SYMPK: variants seen among roughly 807,000 people sequenced by gnomAD.
SYMPK encodes symplekin scaffold protein.
Under a neutral mutation model 136.4 loss-of-function variants are expected in SYMPK, and 49 were observed. That is an observed-to-expected ratio of 0.36 (90% CI 0.29 to 0.46). SYMPK has a LOEUF of 0.46. Ranked by LOEUF, SYMPK falls within the 20% of genes least tolerant of loss-of-function variation. The pLI is 1.00. For missense variants in SYMPK, 1,365 were observed against 1,690.0 expected (o/e 0.81, Z 3.37); for synonymous variants, 766 against 713.0 (o/e 1.07, Z -1.19).
chr19:45,827,613 T>C lies in SYMPK; in HGVS notation c.2078A>G (p.Tyr693Cys), dbSNP rs1368792864. 10 of 1,613,944 alleles carry C rather than the reference T, an allele frequency of 6.2e-6. No homozygotes were observed. The highest frequency in any genetic ancestry group is 8.5e-6 in the Non-Finnish European group (10 of 1,179,950). Residue 693 changes from tyrosine to cysteine, a missense_variant, in exon 16 of 27, where the codon TAT becomes TGT. Physicochemically the swap from Tyr to Cys is radical, Grantham distance 194. This residue lies in a region of SYMPK where 303 missense variants were observed against 326.6 expected (regional missense o/e 0.93). Coordinates refer to ENST00000245934, the MANE Select transcript of SYMPK (RefSeq NM_004819.3). ...RKYCEDESRT[Y>C]LGMSTLRDLI... ...GTCTCGAAGTGTGGACATGCCCAGA[T>C]AGGTGCGACTCTGCAGCAAAAGGAA...
At chr19:45,839,915 A>C (rs1310994800) in intron 9 of SYMPK, among the ~76,000 whole-genome samples, 2 of 152,208 alleles carry the variant, frequency 1.3e-5, no homozygotes, top group Non-Finnish European at 2.9e-5. Context: ...ACATAGTTTC[A>C]AATATCTCCC....
At chr19:45,851,756 C>A (rs1291668396) in intron 5 of SYMPK, among the ~76,000 whole-genome samples, 1 of 152,120 alleles carries the variant, frequency 6.6e-6, no homozygotes, top group African/African-American at 2.4e-5. Flanking sequence ...TGCCTGTAAT[C>A]CCAGCTACTT....
At position 45,822,662 on chromosome 19, in the gene SYMPK, C is replaced by T. The variant is rs1970935201; in HGVS notation, c.2791+94G>A. 5.0e-6 allele frequency: 5 copies of T among 1,004,856 alleles called. No individual in the cohort carries two copies. The Admixed American group carries it at 5.6e-5, about 11-fold the overall frequency. 62.2% of individuals were successfully genotyped at this position (1,004,856 alleles called of 1,614,324 possible). Reference sequence around the variant, plus strand: ...TGGTGTCCCAGGGAGCAGGATGTGCCCTCTCTCCCTGAGGGGGGTGCCTGC... The same window carrying T: ...TGGTGTCCCAGGGAGCAGGATGTGCTCTCTCTCCCTGAGGGGGGTGCCTGC... On this transcript the variant is annotated intron_variant, in intron 21 of 26. Transcript: ENST00000245934.
intron 9 of SYMPK, among the ~76,000 whole-genome samples, chr19:45,840,700 C>T (rs532657083): frequency 1.8e-4 from 27 of 151,462 alleles, no homozygotes; most frequent in South Asian, 4.2e-4. Flanking sequence ...AAAATTAGCC[C>T]GGTGTGGTGG....
At chr19:45,825,008 G>GT (rs1396448744) in intron 18 of SYMPK, among the ~76,000 whole-genome samples, 163 bp downstream of exon 18, 1 of 152,218 alleles carries the variant, frequency 6.6e-6, no homozygotes, top group Non-Finnish European at 1.5e-5. Context: ...TTCCTCAGGA[G>GT]TGACATGCGG....
chr19:45,836,819 C>T (rs2146322802), intron 10 of SYMPK, among the ~76,000 whole-genome samples: 1 of 151,890 alleles, frequency 6.6e-6, no homozygotes, highest in East Asian at 1.9e-4. Context: ...TTTTATTTTT[C>T]TTTTTGTAGA....
At chr19:45,848,604 G>T in intron 6 of SYMPK, 146 bp downstream of exon 6, 1 of 1,109,082 alleles carries the variant, frequency 9.0e-7, no homozygotes, top group Non-Finnish European at 1.3e-6. Context: ...GACAACGTTA[G>T]CTCTCCATGT....
Position 45,853,938 on chromosome 19 carries a change from C to T in SYMPK, c.171+237G>A. 2.6e-5 allele frequency among the ~76,000 whole-genome samples: 4 copies of T among 152,332 alleles called. No individual in the cohort carries two copies. The East Asian group carries it at 7.7e-4, about 29-fold the overall frequency. On this transcript the variant is annotated intron_variant, in intron 3 of 26. Transcript: ENST00000245934. ...TCAGCCAGCTCCCAGCAGAGTGACC[C>T]TGGGCTAATAATTTAAGCCCCGGGG...
chr19:45,862,964 C>T (rs896809055), intron 1 of SYMPK, 94 bp downstream of exon 1: 36 of 400,272 alleles, frequency 9.0e-5, no homozygotes, highest in African/African-American at 6.4e-4. Context: ...CACTGTTCCC[C>T]TCTCCCCACG....
intron 12 of SYMPK, 77 bp downstream of exon 12, chr19:45,831,297 ACACGCACACG>A (rs1568614414): frequency 2.6e-5 from 28 of 1,097,526 alleles, no homozygotes; most frequent in East Asian, 1.6e-4. Context: ...ACACACACGC[ACACGCACACG>A]CACACGCACA....
intron 24 of SYMPK, 86 bp from the exon 25 acceptor site, chr19:45,816,663 C>A: frequency 6.4e-7 from 1 of 1,568,692 alleles, no homozygotes; most frequent in South Asian, 1.2e-5. Flanking sequence ...GGCCCTAACC[C>A]TCCAGAACTC....
intron 16 of SYMPK, among the ~76,000 whole-genome samples, chr19:45,826,836 T>C (rs1971053405): frequency 6.6e-6 from 1 of 152,230 alleles, no homozygotes; most frequent in Non-Finnish European, 1.5e-5. Flanking sequence ...GATGAAGGTC[T>C]GCTGAATGAA....
chr19:45,822,074 A>G (rs935028395), intron 21 of SYMPK, among the ~76,000 whole-genome samples: 32 of 151,524 alleles, frequency 2.1e-4, no homozygotes, highest in African/African-American at 7.3e-4. Context: ...GGTAAGGGTG[A>G]ACAATCCCTT....
At chr19:45,850,643 G>A (rs889436844) in intron 5 of SYMPK, among the ~76,000 whole-genome samples, 5 of 152,258 alleles carry the variant, frequency 3.3e-5, no homozygotes, top group South Asian at 2.1e-4. Flanking sequence ...GGCACAGTAC[G>A]TGTTCCATGT....
At chr19:45,837,616 CAAAAAA>C (rs58960244) in intron 10 of SYMPK, among the ~76,000 whole-genome samples, 1 of 77,558 alleles carries the variant, frequency 1.3e-5, no homozygotes, top group Non-Finnish European at 2.4e-5. Context: ...GACTCTGCCT[CAAAAAA>C]AAAAAAAAAA....
chr19:45,827,939 G>A (rs369920679), intron 14 of SYMPK, 21 bp from the exon 15 acceptor site: 2 of 1,612,300 alleles, frequency 1.2e-6, no homozygotes, highest in Non-Finnish European at 1.7e-6. Flanking sequence ...TGGAGGGAGG[G>A]CCATGGCTGC....
intron 13 of SYMPK, 125 bp downstream of exon 13, chr19:45,829,929 G>T: frequency 9.0e-7 from 1 of 1,105,458 alleles, no homozygotes. Flanking sequence ...AAGCGGCTGT[G>T]GGCAGCAGAG....
chr19:45,856,190 G>A (rs544583573), intron 1 of SYMPK, among the ~76,000 whole-genome samples: 2 of 151,948 alleles, frequency 1.3e-5, no homozygotes, highest in East Asian at 3.9e-4. Context: ...CCCATCTCTA[G>A]TAAAAATACA....
chr19:45,857,604 G>A (rs1338497559), intron 1 of SYMPK, among the ~76,000 whole-genome samples: 1 of 148,416 alleles, frequency 6.7e-6, no homozygotes, highest in Non-Finnish European at 1.5e-5. Context: ...CCATTCTCCT[G>A]CCTCAGCCTC....
Sources: gnomAD v4.1 joint callset for allele counts (sites outside exome capture counted in the v4.1 genomes callset) on GRCh38, gnomAD v4.1.1 for gene constraint, gnomAD v4.1.1 regional missense constraint, MANE v1.5 for transcripts, NCBI Gene and HGNC (gene_info 2026-07-23, HGNC 2026-07-21) for gene names.